Variants in BNC2 observed in about 807,000 individuals in gnomAD.
BNC2 encodes the protein zinc finger protein basonuclin-2.
Under a neutral mutation model 76.3 loss-of-function variants are expected in BNC2, and 20 were observed. That is an observed-to-expected ratio of 0.26 (90% CI 0.18 to 0.38). The LOEUF is 0.38. BNC2 is among the 10% of genes least tolerant of loss of function. BNC2 has a pLI of 1.00. For missense variants in BNC2, 1,382 were observed against 1,399.8 expected (o/e 0.99, Z 0.20); for synonymous variants, 582 against 514.8 (o/e 1.13, Z -1.77).
chr9:16,755,379 G>A (rs140195319), intron 1 of BNC2, among the ~76,000 whole-genome samples: 64 of 152,252 alleles, frequency 4.2e-4, no homozygotes, highest in African/African-American at 1.5e-3. Context: ...ACAGAAAAGG[G>A]CAGGAGTCTA....
intron 1 of BNC2, among the ~76,000 whole-genome samples, chr9:16,780,821 G>A (rs1826132943): frequency 6.6e-6 from 1 of 151,930 alleles, no homozygotes; most frequent in East Asian, 1.9e-4. Context: ...TGCTATGTGG[G>A]AAACATCCTT....
chr9:16,532,397 G>C (rs919079863), intron 5 of BNC2, among the ~76,000 whole-genome samples: 1 of 152,090 alleles, frequency 6.6e-6, no homozygotes, highest in Non-Finnish European at 1.5e-5. Flanking sequence ...GTTTAGTAAT[G>C]TGAGCTGAAA....
chr9:16,864,372 G>A (rs999098939), intron 1 of BNC2, among the ~76,000 whole-genome samples: 4 of 152,156 alleles, frequency 2.6e-5, no homozygotes, highest in Admixed American at 6.5e-5. Context: ...TTAGTCACCA[G>A]AAATACTGCT....
In BNC2 at chr9:16,763,627, A is replaced by G. The variant is rs186682454; in HGVS notation, c.4-25142T>C. On this transcript the variant is annotated intron_variant, in intron 1 of 6. Coordinates refer to ENST00000380672, the MANE Select transcript of BNC2 (RefSeq NM_017637.6). ...GATGATAGTGATTTTATATGAAGTT[A>G]GGAAACAAATAAAACATACAGCATG... Among the ~76,000 whole-genome samples the G allele has an allele frequency of 1.3e-5, 2 of 152,324 alleles. 1 individual carries two copies. The highest frequency in any genetic ancestry group is 1.3e-4 in the Admixed American group (2 of 15,296).
chr9:16,755,208 G>C (rs958594174), intron 1 of BNC2, among the ~76,000 whole-genome samples: 56 of 152,274 alleles, frequency 3.7e-4, no homozygotes, highest in African/African-American at 1.3e-3. Context: ...GAGAGCAAGA[G>C]AGCATGAGAA....
rs1395774060 is a variant in BNC2, at chr9:16,751,415, G to A, written c.4-12930C>T. Among the ~76,000 whole-genome samples the A allele has an allele frequency of 2.0e-5, 3 of 151,954 alleles. No individual in the cohort carries two copies. The East Asian group carries it at 5.8e-4, about 29-fold the overall frequency. ...ACACAGTATCACATCTAAGAGATCA[G>A]CAATGAACTCTCTCAAGAAAAAGTC... On this transcript the variant is annotated intron_variant, in intron 1 of 6. Coordinates refer to ENST00000380672, the MANE Select transcript of BNC2 (RefSeq NM_017637.6).
intron 1 of BNC2, among the ~76,000 whole-genome samples, chr9:16,814,441 C>G (rs568323761): frequency 1.3e-5 from 2 of 152,152 alleles, no homozygotes; most frequent in African/African-American, 4.8e-5. Flanking sequence ...CCTAGAGAAG[C>G]CTTACTATTT....
intron 1 of BNC2, among the ~76,000 whole-genome samples, chr9:16,826,434 C>T (rs1178784023): frequency 1.3e-5 from 2 of 152,128 alleles, no homozygotes; most frequent in Non-Finnish European, 2.9e-5. Context: ...CTCTAAGTTG[C>T]GATTATCACT....
chr9:16,598,938 A>G (rs60845164), intron 3 of BNC2, among the ~76,000 whole-genome samples: 4,588 of 152,288 alleles, frequency 0.03, 245 homozygotes, highest in African/African-American at 0.1. Context: ...TTTTTGCACA[A>G]AATATTAAAT....
chr9:16,426,325 C>CT (rs34622231), intron 6 of BNC2, among the ~76,000 whole-genome samples: 55,660 of 136,840 alleles, frequency 0.41, 11,578 homozygotes, highest in South Asian at 0.56. Context: ...CCATGCCCAG[C>CT]TTTTTTTTTT....
chr9:16,599,536 C>A lies in BNC2; in HGVS notation c.331-16451G>T, dbSNP rs182191418. 1.9e-3 allele frequency among the ~76,000 whole-genome samples: 283 copies of A among 152,316 alleles called. 1 individual carries two copies. Among genetic ancestry groups the A allele is most frequent in the Admixed American group, 3.5e-3 (53 of 15,300 alleles). On this transcript the variant is annotated intron_variant, in intron 3 of 6. Coordinates refer to ENST00000380672, the MANE Select transcript of BNC2 (RefSeq NM_017637.6). ...CAGTGGCTCACGCCTGTAATCCCAGCACTTTGGGAGGCCGAGGTAGGTGGA... is the reference window on the plus strand; with the variant it reads ...CAGTGGCTCACGCCTGTAATCCCAGAACTTTGGGAGGCCGAGGTAGGTGGA...
chr9:16,567,861 A>T (rs1819212310), intron 4 of BNC2, among the ~76,000 whole-genome samples: 1 of 152,210 alleles, frequency 6.6e-6, no homozygotes, highest in Non-Finnish European at 1.5e-5. Context: ...GATAAGAAGT[A>T]TGTGAAGTAC....
At chr9:16,622,491 A>C (rs980299574) in intron 3 of BNC2, among the ~76,000 whole-genome samples, 22 of 152,208 alleles carry the variant, frequency 1.4e-4, no homozygotes, top group Non-Finnish European at 4.4e-5. Flanking sequence ...TGTGAATTCA[A>C]GCTCACTATC....
intron 3 of BNC2, among the ~76,000 whole-genome samples, chr9:16,641,644 A>G (rs936894716): frequency 6.6e-6 from 1 of 152,230 alleles, no homozygotes; most frequent in Admixed American, 6.5e-5. Context: ...CTGCTATCAC[A>G]TAAGTGTCTG....
At chr9:16,520,177 G>A (rs1026549630) in intron 5 of BNC2, among the ~76,000 whole-genome samples, 1 of 152,164 alleles carries the variant, frequency 6.6e-6, no homozygotes, top group African/African-American at 2.4e-5. Context: ...TTCTTGATGG[G>A]ACTCTCAGGC....
At chr9:16,505,512 G>A (rs1563814440) in intron 5 of BNC2, among the ~76,000 whole-genome samples, 1 of 152,102 alleles carries the variant, frequency 6.6e-6, no homozygotes, top group South Asian at 2.1e-4. Context: ...GGGATTCAGA[G>A]CCAACCAAGG....
At chr9:16,851,154 G>T (rs577839296) in intron 1 of BNC2, among the ~76,000 whole-genome samples, 5 of 152,208 alleles carry the variant, frequency 3.3e-5, no homozygotes, top group African/African-American at 9.6e-5. Context: ...TATTAATCCT[G>T]TCAAACATTT....
intron 1 of BNC2, among the ~76,000 whole-genome samples, chr9:16,833,858 C>G (rs1423601592): frequency 6.6e-6 from 1 of 152,148 alleles, no homozygotes; most frequent in Non-Finnish European, 1.5e-5. Flanking sequence ...TCCCTTCAGT[C>G]TGATACCAGC....
chr9:16,710,719 T>C (rs985712786), intron 3 of BNC2, among the ~76,000 whole-genome samples: 2 of 152,148 alleles, frequency 1.3e-5, no homozygotes, highest in Non-Finnish European at 2.9e-5. Context: ...CTTATCATTA[T>C]GGTACCATTA....
Sources: gnomAD v4.1 joint callset for allele counts (sites outside exome capture counted in the v4.1 genomes callset) on GRCh38, gnomAD v4.1.1 for gene constraint, MANE v1.5 for transcripts, NCBI Gene and HGNC (gene_info 2026-07-23, HGNC 2026-07-21) for gene names.